Variants in KDM3A observed in about 807,000 individuals in gnomAD.
The protein encoded by KDM3A is lysine-specific demethylase 3A.
Under a neutral mutation model 158.0 loss-of-function variants are expected in KDM3A, and 60 were observed. That is an observed-to-expected ratio of 0.38 (90% CI 0.31 to 0.47). KDM3A has a LOEUF of 0.47. Among genes scored for constraint, KDM3A ranks in the 20% least tolerant of loss-of-function variants. The probability of loss-of-function intolerance (pLI) is 0.99; values close to 1 mark genes in which losing one functional copy is unlikely to be tolerated. For missense variants in KDM3A, 1,319 were observed against 1,574.3 expected (o/e 0.84, Z 2.74); for synonymous variants, 608 against 549.3 (o/e 1.11, Z -1.49).
chr2:86,474,705 G>GTA, intron 11 of KDM3A, 71 bp from the exon 12 acceptor site: 1 of 565,324 alleles, frequency 1.8e-6, no homozygotes. Context: ...AATAAGTTGT[G>GTA]TGTGTGTGTG....
chr2:86,466,595 A>T lies in KDM3A; in HGVS notation c.1231A>T (p.Thr411Ser), dbSNP rs1275057121. 6.2e-7 allele frequency: 1 copy of T among 1,613,962 alleles called. No individual in the cohort carries two copies. The highest frequency in any genetic ancestry group is 8.5e-7 in the Non-Finnish European group (1 of 1,179,900). The change falls in exon 10 of 26, where the codon ACT becomes TCT. Residue 411 changes from threonine to serine, a missense_variant. Thr to Ser is a moderately conservative substitution (Grantham distance 58, BLOSUM62 1). This residue lies in a region of KDM3A where 652 missense variants were observed against 627.2 expected (regional missense o/e 1.04). Transcript: ENST00000312912. ...NRLESVPQALTGLPKECLPTK... is the reference protein window; with the variant it reads ...NRLESVPQALSGLPKECLPTK... ...ATTGGAGTCTGTTCCACAAGCATTG[A>T]CTGGCCTTCCTAAGGAGTGCTTACC...
chr2:86,449,767 T>C, intron 2 of KDM3A, 40 bp from the exon 3 acceptor site: 1 of 1,563,556 alleles, frequency 6.4e-7, no homozygotes, highest in Non-Finnish European at 8.6e-7. Flanking sequence ...TTTTAATAAA[T>C]TGAATCTGCT....
chr2:86,456,630 T>A (rs1317120444), intron 6 of KDM3A, 64 bp downstream of exon 6: 1 of 1,481,774 alleles, frequency 6.7e-7, no homozygotes, highest in Non-Finnish European at 9.3e-7. Flanking sequence ...ACAAAGCATT[T>A]ATGATTTTCT....
intron 16 of KDM3A, among the ~76,000 whole-genome samples, chr2:86,480,994 G>T (rs899098662): frequency 6.6e-6 from 1 of 152,086 alleles, no homozygotes; most frequent in Non-Finnish European, 1.5e-5. Context: ...CATTTGAGCC[G>T]AAGTAAGACA....
At position 86,451,214 on chromosome 2, in the gene KDM3A, G is replaced by A; in HGVS notation, c.453+1G>A. ...TAAAGACCTTTTGAAGCCTATACAG[G>A]TAAAACATAGAAACAGTAGTAAACA... is the stretch of plus-strand genomic sequence containing the variant. On this transcript the variant is annotated splice_donor_variant, in intron 4 of 25. Coordinates refer to ENST00000312912, the MANE Select transcript of KDM3A (RefSeq NM_018433.6). LOFTEE classifies it high-confidence loss of function. 6.4e-7 allele frequency: 1 copy of A among 1,553,162 alleles called. No homozygotes were observed. Among genetic ancestry groups the A allele is most frequent in the Non-Finnish European group, 8.8e-7 (1 of 1,138,892 alleles).
chr2:86,481,785 A>G, intron 16 of KDM3A, 145 bp from the exon 17 acceptor site: 2 of 626,286 alleles, frequency 3.2e-6, no homozygotes, highest in Admixed American at 3.0e-5. Context: ...TAAGTAAATC[A>G]TATCATTCAT....
Position 86,464,081 on chromosome 2 carries a change from C to T in KDM3A, c.872C>T (p.Ser291Phe). Residue 291 changes from serine (S) to phenylalanine (F), a missense_variant, in exon 9 of 26, where the codon TCT becomes TTT. This residue lies in a region of KDM3A where 652 missense variants were observed against 627.2 expected (regional missense o/e 1.04). Coordinates refer to ENST00000312912, the MANE Select transcript of KDM3A (RefSeq NM_018433.6). ...EASPSMCPVQ[S>F]VPTTVFKEIL... ...TCTCCCAGTATGTGTCCTGTGCAGT[C>T]TGTACCTACAACAGTTTTTAAGGAG... 1.2e-6 allele frequency: 2 copies of T among 1,611,342 alleles called. No homozygotes were observed. Among genetic ancestry groups the T allele is most frequent in the South Asian group, 1.1e-5 (1 of 90,848 alleles).
chr2:86,437,905 G>T (rs1251824747), upstream of KDM3A, among the ~76,000 whole-genome samples: 1 of 152,018 alleles, frequency 6.6e-6, no homozygotes, highest in African/African-American at 2.4e-5. Flanking sequence ...TGTCACTGAT[G>T]CTTTTGATTT....
In KDM3A at chr2:86,477,997, G is replaced by A. The variant is rs1673737193; in HGVS notation, c.2060G>A (p.Cys687Tyr). 6.2e-7 allele frequency: 1 copy of A among 1,614,064 alleles called. No individual in the cohort carries two copies. Among genetic ancestry groups the A allele is most frequent in the African/African-American group, 1.3e-5 (1 of 74,924 alleles). The change falls in exon 13 of 26, where the codon TGC becomes TAC. Residue 687 changes from cysteine to tyrosine, a missense_variant. Cys to Tyr is a radical substitution (Grantham distance 194, BLOSUM62 -2). Around this residue, in one of 4 missense-constraint regions of KDM3A, gnomAD observed 113 missense variants for 190.5 expected, o/e 0.59. Coordinates refer to ENST00000312912, the MANE Select transcript of KDM3A (RefSeq NM_018433.6). ...TGTGGGTTTGGAGTATGTGTGGACT[G>A]CTACCGGATGAAGAGAAAGAATTGC... is the stretch of plus-strand genomic sequence containing the variant. ...PRCGFGVCVD[C>Y]YRMKRKNCQQ...
rs1198204363 is a variant in KDM3A, at chr2:86,484,194, G to A, written c.3094+36G>A. On this transcript the variant is annotated intron_variant, in intron 19 of 25. Transcript: ENST00000312912. ...AAGATCTTTTAAGGGGGTTGGGGAT[G>A]TGAAAGGAGGGGACACAGGAATGGC... The A allele has an allele frequency of 2.5e-6, 4 of 1,572,342 alleles. No individual in the cohort carries two copies. In the East Asian group the frequency reaches 9.0e-5, roughly 36 times the overall value.
At chr2:86,447,023 G>A (rs1682984208) in intron 2 of KDM3A, among the ~76,000 whole-genome samples, 2 of 152,134 alleles carry the variant, frequency 1.3e-5, no homozygotes, top group Admixed American at 6.5e-5. Flanking sequence ...CGTTGCCTTG[G>A]CTGGTTTAGA....
intron 1 of KDM3A, 136 bp downstream of exon 1, chr2:86,441,580 C>T (rs1229987411): frequency 2.3e-4 from 35 of 151,020 alleles, no homozygotes; most frequent in African/African-American, 8.5e-4. Flanking sequence ...GGGAGCTGGG[C>T]GCCGGGGCGG....
intron 2 of KDM3A, among the ~76,000 whole-genome samples, chr2:86,449,496 A>T (rs990251471): frequency 6.6e-6 from 1 of 152,184 alleles, no homozygotes; most frequent in Non-Finnish European, 1.5e-5. Flanking sequence ...ATGTCTAATT[A>T]ATGTATGTAA....
At chr2:86,442,398 G>A (rs1202132112) in intron 2 of KDM3A, 165 bp downstream of exon 2, 1 of 664,158 alleles carries the variant, frequency 1.5e-6, no homozygotes, top group Non-Finnish European at 2.5e-6. Context: ...TGGTTGTATA[G>A]AGCCGAGTTG....
intron 5 of KDM3A, 94 bp from the exon 6 acceptor site, chr2:86,456,347 TA>T: frequency 1.1e-6 from 1 of 941,886 alleles, no homozygotes; most frequent in Non-Finnish European, 1.5e-6. Flanking sequence ...TGCGTTTTTT[TA>T]AAAAAGACTT....
intron 23 of KDM3A, chr2:86,490,395 C>T (rs1216114732): frequency 2.0e-5 from 3 of 153,114 alleles, no homozygotes; most frequent in African/African-American, 7.2e-5. Context: ...TCATTTGGCT[C>T]TTCCAGAAAA....
chr2:86,441,757 CCTCA>C (rs1390234950), intron 1 of KDM3A, among the ~76,000 whole-genome samples: 1 of 150,946 alleles, frequency 6.6e-6, no homozygotes, highest in Non-Finnish European at 1.5e-5. Flanking sequence ...ATAATTTTTC[CCTCA>C]CTCCCTCTGC....
chr2:86,466,598 G>A lies in KDM3A; in HGVS notation c.1234G>A (p.Gly412Ser), dbSNP rs1369340008. 6.2e-7 allele frequency: 1 copy of A among 1,613,932 alleles called. No homozygotes were observed. Among genetic ancestry groups the A allele is most frequent in the Non-Finnish European group, 8.5e-7 (1 of 1,179,894 alleles). ...RLESVPQALT[G>S]LPKECLPTKA... ...GGAGTCTGTTCCACAAGCATTGACTGGCCTTCCTAAGGAGTGCTTACCTAC... is the reference window on the plus strand; with the variant it reads ...GGAGTCTGTTCCACAAGCATTGACTAGCCTTCCTAAGGAGTGCTTACCTAC... Residue 412 changes from glycine (G) to serine (S), a missense_variant, in exon 10 of 26, where the codon GGC becomes AGC. By Grantham distance (56) the Gly-to-Ser change is moderately conservative. Coordinates refer to ENST00000312912, the MANE Select transcript of KDM3A (RefSeq NM_018433.6).
Position 86,492,137 on chromosome 2 carries a change from A to AAT in KDM3A, c.*19_*20dup. On this transcript the variant is annotated 3_prime_UTR_variant, in exon 26 of 26. Coordinates refer to ENST00000312912, the MANE Select transcript of KDM3A (RefSeq NM_018433.6). ...AACCTTAATCTCCCTGCACATTGGA[A>AAT]ATGAATTACAGGCAGCTGTTCAAAC... 1.3e-6 allele frequency: 2 copies of AAT among 1,579,796 alleles called. No homozygotes were observed. Among genetic ancestry groups the AAT allele is most frequent in the Non-Finnish European group, 1.7e-6 (2 of 1,149,508 alleles).
Sources: gnomAD v4.1 joint callset for allele counts (sites outside exome capture counted in the v4.1 genomes callset) on GRCh38, gnomAD v4.1.1 for gene constraint, gnomAD v4.1.1 regional missense constraint, MANE v1.5 for transcripts, NCBI Gene and HGNC (gene_info 2026-07-23, HGNC 2026-07-21) for gene names.